HTT: variants seen among roughly 807,000 people sequenced by gnomAD.
The protein encoded by HTT is huntington disease protein.
Under a neutral mutation model 362.3 loss-of-function variants are expected in HTT, and 104 were observed. The ratio of observed to expected loss-of-function variants is 0.29; its 90% confidence interval spans 0.24 to 0.34. HTT has a LOEUF of 0.34. Ranked by LOEUF, HTT falls within the 10% of genes least tolerant of loss-of-function variation. The probability of loss-of-function intolerance (pLI) is 1.00; values close to 1 mark genes in which losing one functional copy is unlikely to be tolerated. For missense variants in HTT, 3,301 were observed against 3,928.6 expected, an observed-to-expected ratio of 0.84 and a Z score of 4.27; for synonymous variants, 1,577 against 1,548.7, an observed-to-expected ratio of 1.02 and a Z score of -0.43.
In HTT at chr4:3,209,818, T is replaced by G; in HGVS notation, c.6292-9T>G. 1 of 1,613,544 alleles carries G rather than the reference T, an allele frequency of 6.2e-7. No individual in the cohort carries two copies. Among genetic ancestry groups the G allele is most frequent in the Non-Finnish European group, 8.5e-7 (1 of 1,179,666 alleles). On this transcript the variant is annotated splice_polypyrimidine_tract_variant and intron_variant, in intron 46 of 66. Coordinates refer to ENST00000355072, the MANE Select transcript of HTT (RefSeq NM_001388492.1). ...ATCATGTTCCCCTTATCCATTTTTT[T>G]CTTCCCAGGACTGGTACGTTCATCT...
intron 38 of HTT, 118 bp downstream of exon 38, chr4:3,186,837 G>GC: frequency 1.1e-5 from 4 of 380,584 alleles, no homozygotes; most frequent in South Asian, 8.5e-5. Flanking sequence ...TTGAGAGTTT[G>GC]CTTTTTTTTT....
intron 8 of HTT, 75 bp from the exon 9 acceptor site, chr4:3,121,153 A>G: frequency 8.9e-7 from 1 of 1,123,040 alleles, no homozygotes; most frequent in Non-Finnish European, 1.3e-6. Context: ...AGTCCTATTA[A>G]AAACAACAAA....
rs181975938 is a variant in HTT at position 3,154,385 on chromosome 4, G to A, written c.3591G>A (p.Pro1197=). Reference sequence around the variant, plus strand: ...AACCAGGAGAACAAGCATCTGTACCGTTGAGTCCCAAGAAAGGCAGTGAGG... The same window carrying A: ...AACCAGGAGAACAAGCATCTGTACCATTGAGTCCCAAGAAAGGCAGTGAGG... The part of the protein sequence containing the change: ...EKEPGEQASV[P]LSPKKGSEAS... The change falls in exon 27 of 67, where the codon CCG becomes CCA. Residue 1197 remains proline (P), a synonymous_variant. Coordinates refer to ENST00000355072, the MANE Select transcript of HTT (RefSeq NM_001388492.1). The A allele has an allele frequency of 2.1e-5, 34 of 1,613,890 alleles. No individual in the cohort carries two copies. The highest frequency in any genetic ancestry group is 7.7e-5 in the South Asian group (7 of 91,044).
intron 12 of HTT, chr4:3,128,538 A>T (rs1028438734): frequency 6.6e-6 from 1 of 152,196 alleles, no homozygotes; most frequent in African/African-American, 2.4e-5. Context: ...CCTATTATAA[A>T]CAGATCTGTG....
intron 40 of HTT, among the ~76,000 whole-genome samples, chr4:3,189,858 G>C (rs1718931725): frequency 6.6e-6 from 1 of 152,032 alleles, no homozygotes; most frequent in Non-Finnish European, 1.5e-5. Flanking sequence ...GACCCCATCT[G>C]TACAAACAAA....
intron 60 of HTT, 91 bp from the exon 61 acceptor site, chr4:3,233,072 T>C (rs944426608): frequency 2.8e-6 from 3 of 1,067,442 alleles, no homozygotes; most frequent in African/African-American, 3.1e-5. Flanking sequence ...CACACAAGCG[T>C]GAGGGCAGCG....
rs1019108362 is a variant in HTT at position 3,157,079 on chromosome 4, A to G, written c.3633A>G (p.Arg1211=). The G allele has an allele frequency of 4.4e-6, 7 of 1,604,132 alleles. No homozygotes were observed. Among genetic ancestry groups the G allele is most frequent in the Non-Finnish European group, 5.9e-6 (7 of 1,177,456 alleles). The change falls in exon 28 of 67, where the codon AGA becomes AGG. Residue 1211 remains arginine, a synonymous_variant. Transcript: ENST00000355072. ...GTGTGCATATTTTTAAAGCTTCTAGACAATCTGATACCTCAGGTCCTGTTA... is the reference window on the plus strand; with the variant it reads ...GTGTGCATATTTTTAAAGCTTCTAGGCAATCTGATACCTCAGGTCCTGTTA... ...KKGSEASAAS[R]QSDTSGPVTT...
chr4:3,174,518 G>A (rs1326917933), intron 31 of HTT, among the ~76,000 whole-genome samples: 2 of 152,230 alleles, frequency 1.3e-5, no homozygotes, highest in African/African-American at 4.8e-5. Context: ...ATGGCTGTCA[G>A]GCAGCTGTAA....
intron 57 of HTT, among the ~76,000 whole-genome samples, chr4:3,226,785 A>G (rs761510091): frequency 1.3e-5 from 2 of 152,248 alleles, no homozygotes; most frequent in Non-Finnish European, 2.9e-5. Flanking sequence ...CTGTGATGTC[A>G]CAAGCCTGTT....
At chr4:3,223,922 G>T in intron 55 of HTT, 70 bp from the exon 56 acceptor site, 2 of 1,541,254 alleles carry the variant, frequency 1.3e-6, no homozygotes, top group Middle Eastern at 1.7e-4. Context: ...CGGAGGGAAA[G>T]TTCTGGTGTT....
At chr4:3,129,797 T>G in intron 12 of HTT, 127 bp from the exon 13 acceptor site, 1 of 1,114,858 alleles carries the variant, frequency 9.0e-7, no homozygotes, top group Non-Finnish European at 1.3e-6. Flanking sequence ...TTGAAATAAA[T>G]GACAGATGAG....
chr4:3,228,097 A>G lies in HTT; in HGVS notation c.7849-518A>G, dbSNP rs924222918. Reference sequence around the variant, plus strand: ...TTTTTATGGGCACACAGCCCACAGCACTGTGCCAAGTGCTCGAGGCTTCCC... The same window carrying G: ...TTTTTATGGGCACACAGCCCACAGCGCTGTGCCAAGTGCTCGAGGCTTCCC... On this transcript the variant is annotated intron_variant, in intron 57 of 66. Coordinates refer to ENST00000355072, the MANE Select transcript of HTT (RefSeq NM_001388492.1). The surrounding 1 kb of genome is among the most constrained non-coding windows in gnomAD (Gnocchi z 4.3). 3.9e-5 allele frequency among the ~76,000 whole-genome samples: 6 copies of G among 152,168 alleles called. No individual in the cohort carries two copies. Among genetic ancestry groups the G allele is most frequent in the African/African-American group, 1.2e-4 (5 of 41,436 alleles).
In HTT at chr4:3,140,631, C is replaced by G. The variant is rs1168055380; in HGVS notation, c.2920C>G (p.His974Asp). The G allele has an allele frequency of 1.2e-6, 2 of 1,614,016 alleles. No individual in the cohort carries two copies. Among genetic ancestry groups the G allele is most frequent in the Non-Finnish European group, 1.7e-6 (2 of 1,179,980 alleles). The change falls in exon 22 of 67, where the codon CAT becomes GAT. Residue 974 changes from histidine to aspartate, a missense_variant. His to Asp is a moderately conservative substitution (Grantham distance 81). Transcript: ENST00000355072. ...CATGCATGAGACGCAGCCTCCATCT[C>G]ATTTCTCCGTCAGCACAATAACCAG... Reference protein sequence around the residue: ...LLMHETQPPSHFSVSTITRIY... With the variant: ...LLMHETQPPSDFSVSTITRIY...
intron 21 of HTT, among the ~76,000 whole-genome samples, chr4:3,139,333 G>C (rs1716227659): frequency 6.6e-6 from 1 of 152,166 alleles, no homozygotes; most frequent in Non-Finnish European, 1.5e-5. Context: ...AAGTAGCTGG[G>C]ATTACAGGAG....
chr4:3,097,841 A>C (rs767574448), intron 2 of HTT, among the ~76,000 whole-genome samples: 4 of 152,178 alleles, frequency 2.6e-5, no homozygotes, highest in Admixed American at 6.5e-5. Context: ...TTACTGGAAA[A>C]CTTTTAAGTG....
At chr4:3,108,704 A>G (rs1714565368) in intron 6 of HTT, among the ~76,000 whole-genome samples, 1 of 152,064 alleles carries the variant, frequency 6.6e-6, no homozygotes, top group African/African-American at 2.4e-5. Flanking sequence ...CTTTGGCATT[A>G]AAAAAAATCT....
chr4:3,178,584 A>T (rs1292532448), intron 35 of HTT, 138 bp downstream of exon 35: 1 of 717,268 alleles, frequency 1.4e-6, no homozygotes, highest in Non-Finnish European at 2.4e-6. Flanking sequence ...GTGTATGTGA[A>T]GGTACTGGTT....
intron 1 of HTT, among the ~76,000 whole-genome samples, chr4:3,075,306 C>A (rs1578476130): frequency 6.6e-6 from 1 of 152,374 alleles, no homozygotes; most frequent in South Asian, 2.1e-4. Context: ...CTTCCCTTGT[C>A]CTCTCGCGAG....
chr4:3,121,628 C>A, intron 9 of HTT, 196 bp downstream of exon 9: 1 of 479,368 alleles, frequency 2.1e-6, no homozygotes, highest in Non-Finnish European at 3.8e-6. Flanking sequence ...GTAATTTCAG[C>A]ACTTTGGAAG....
Sources: gnomAD v4.1 joint callset for allele counts (sites outside exome capture counted in the v4.1 genomes callset) on GRCh38, gnomAD v4.1.1 for gene constraint, Gnocchi (gnomAD v3.1) non-coding constraint, MANE v1.5 for transcripts, NCBI Gene and HGNC (gene_info 2026-07-23, HGNC 2026-07-21) for gene names.